The following SOX5 variants were observed in gnomAD, a reference collection of about 807,000 sequenced individuals.
SOX5 encodes the protein transcription factor SOX-5.
Under a neutral mutation model 92.0 loss-of-function variants are expected in SOX5, and 9 were observed. The observed-to-expected ratio is 0.10, with a 90% confidence interval of 0.06 to 0.17. SOX5 has a LOEUF of 0.17. Ranked by LOEUF, SOX5 falls within the 10% of genes least tolerant of loss-of-function variation. The pLI is 1.00. For synonymous variants in SOX5, 344 were observed against 336.3 expected (o/e 1.02, Z -0.25); for missense variants, 642 against 944.5 (o/e 0.68, Z 4.20).
intron 4 of SOX5, among the ~76,000 whole-genome samples, chr12:24,209,979 C>T (rs1304985718): frequency 1.5e-5 from 2 of 130,580 alleles, no homozygotes; most frequent in African/African-American, 3.0e-5. Context: ...GATCCCGCCA[C>T]TGCACTCCAG....
chr12:23,686,747 G>C (rs915062685), intron 6 of SOX5, among the ~76,000 whole-genome samples: 8 of 151,958 alleles, frequency 5.3e-5, no homozygotes, highest in Non-Finnish European at 5.9e-5. Context: ...AATTCTGATA[G>C]CAATCATCAA....
chr12:23,820,226 C>T (rs1470974706), intron 3 of SOX5, among the ~76,000 whole-genome samples: 1 of 152,144 alleles, frequency 6.6e-6, no homozygotes, highest in Non-Finnish European at 1.5e-5. Context: ...TAAATGTCTT[C>T]TTTTGAGAAG....
intron 3 of SOX5, among the ~76,000 whole-genome samples, chr12:23,814,118 G>A (rs554044178): frequency 6.6e-6 from 1 of 152,192 alleles, no homozygotes; most frequent in African/African-American, 2.4e-5. Context: ...AGATTTTAGT[G>A]CTTGGTAAGT....
At chr12:23,799,085 G>A (rs2095616435) in intron 3 of SOX5, among the ~76,000 whole-genome samples, 1 of 151,922 alleles carries the variant, frequency 6.6e-6, no homozygotes, top group South Asian at 2.1e-4. Context: ...GAGCTTTTTG[G>A]GGGTTCCACT....
At chr12:24,412,600 C>T (rs997216361) in intron 1 of SOX5, among the ~76,000 whole-genome samples, 1 of 151,966 alleles carries the variant, frequency 6.6e-6, no homozygotes, top group Non-Finnish European at 1.5e-5. Context: ...TGTTCTCTTT[C>T]TGTTATTGAT....
At chr12:23,564,442 T>C (rs1330421997) in intron 10 of SOX5, among the ~76,000 whole-genome samples, 1 of 152,190 alleles carries the variant, frequency 6.6e-6, no homozygotes, top group Non-Finnish European at 1.5e-5. Flanking sequence ...GAAAAGGGAC[T>C]TGTTTGTGAC....
At chr12:23,921,974 G>C (rs965409814) in intron 1 of SOX5, among the ~76,000 whole-genome samples, 9 of 152,078 alleles carry the variant, frequency 5.9e-5, no homozygotes, top group Non-Finnish European at 1.3e-4. Context: ...CTAACTTCCA[G>C]CATATAACAA....
In SOX5 at chr12:24,436,218, G is replaced by A. The variant is rs1054242448; in HGVS notation, c.-250-67579C>T. On this transcript the variant is annotated intron_variant, in intron 1 of 4. Transcript: ENST00000446891. ...TACATCAAGACCTAGCAACGATTCCGGATAGTGAGGAAGGCATGTCAAAGC... is the reference window on the plus strand; with the variant it reads ...TACATCAAGACCTAGCAACGATTCCAGATAGTGAGGAAGGCATGTCAAAGC... Among the ~76,000 whole-genome samples, 39 of 152,136 alleles carry A rather than the reference G, an allele frequency of 2.6e-4. 1 individual carries two copies. Among genetic ancestry groups the A allele is most frequent in the Admixed American group, 2.6e-3 (39 of 15,274 alleles).
At chr12:23,787,234 A>C (rs1210933239) in intron 3 of SOX5, among the ~76,000 whole-genome samples, 1 of 152,066 alleles carries the variant, frequency 6.6e-6, no homozygotes, top group African/African-American at 2.4e-5. Flanking sequence ...ACAAGCATTT[A>C]GGATATATGA....
chr12:23,640,741 C>G (rs940372299), intron 8 of SOX5, 71 bp downstream of exon 8: 1 of 1,106,500 alleles, frequency 9.0e-7, no homozygotes, highest in Non-Finnish European at 1.4e-6. Context: ...TTTTATTTTG[C>G]TTTAACACCA....
At position 23,534,025 on chromosome 12, in the gene SOX5, C is replaced by G; in HGVS notation, c.*194G>C. 1.9e-6 allele frequency: 1 copy of G among 520,958 alleles called. No homozygotes were observed. The highest frequency in any genetic ancestry group is 3.4e-6 in the Non-Finnish European group (1 of 291,940). The allele number at this position is 520,958 out of a possible 1,614,324, so 32.3% of individuals were successfully genotyped here. On this transcript the variant is annotated 3_prime_UTR_variant, in exon 15 of 15. Transcript: ENST00000451604. The stretch of plus-strand genomic sequence containing the variant: ...CTCTTGTTGTTGATATTGTTGTTTG[C>G]TTGTTGTATTTGTTTTTTCTTTCCA...
intron 1 of SOX5, among the ~76,000 whole-genome samples, chr12:24,461,603 A>G (rs1373940239): frequency 6.6e-6 from 1 of 152,182 alleles, no homozygotes; most frequent in African/African-American, 2.4e-5. Flanking sequence ...TACAGGCCAC[A>G]TATTATTATC....
chr12:23,888,932 AAAC>A (rs2097100042), intron 2 of SOX5, among the ~76,000 whole-genome samples: 3 of 152,218 alleles, frequency 2.0e-5, no homozygotes. Flanking sequence ...TCTCCTACAG[AAAC>A]AACAGTTTAT....
At chr12:23,907,656 G>C (rs2097307777) in intron 1 of SOX5, among the ~76,000 whole-genome samples, 1 of 151,604 alleles carries the variant, frequency 6.6e-6, no homozygotes, top group Non-Finnish European at 1.5e-5. Flanking sequence ...GTAATAATCT[G>C]TAAAAACAGC....
intron 3 of SOX5, among the ~76,000 whole-genome samples, chr12:23,760,102 C>A (rs948642275): frequency 1.3e-5 from 2 of 151,962 alleles, no homozygotes; most frequent in African/African-American, 4.8e-5. Flanking sequence ...ATCATGATTA[C>A]CTTCAAAGTA....
At chr12:24,068,704 GTATATATATATATATATATATATA>G (rs1164844032) in intron 4 of SOX5, among the ~76,000 whole-genome samples, 74 of 74,324 alleles carry the variant, frequency 1.0e-3, no homozygotes, top group Non-Finnish European at 1.4e-3. Flanking sequence ...GTGTGTGTGT[GTATATATATATATATATATATATA>G]TATATATATA....
chr12:24,343,059 T>C (rs1952763266), intron 2 of SOX5, among the ~76,000 whole-genome samples: 1 of 152,194 alleles, frequency 6.6e-6, no homozygotes, highest in Non-Finnish European at 1.5e-5. Context: ...TAAAAGCAAG[T>C]TTAATAGTCA....
At chr12:23,757,031 T>TTGC (rs2094408548) in intron 3 of SOX5, among the ~76,000 whole-genome samples, 5 of 151,800 alleles carry the variant, frequency 3.3e-5, no homozygotes, top group Non-Finnish European at 5.9e-5. Flanking sequence ...AAAAAAAAAG[T>TTGC]AACAATATGG....
chr12:24,034,676 A>G (rs1005252345), intron 4 of SOX5, among the ~76,000 whole-genome samples: 2 of 151,396 alleles, frequency 1.3e-5, no homozygotes, highest in African/African-American at 2.4e-5. Context: ...CAGTACTTCT[A>G]TGATCCTCTG....
Sources: allele counts gnomAD v4.1 joint callset (sites outside exome capture counted in the v4.1 genomes callset), GRCh38; gene constraint gnomAD v4.1.1; transcripts MANE v1.5; gene names NCBI Gene and HGNC (gene_info 2026-07-23, HGNC 2026-07-21).